Variants in DCPS observed in about 807,000 individuals in gnomAD.
DCPS encodes the protein decapping enzyme, scavenger.
Under a neutral mutation model 34.7 loss-of-function variants are expected in DCPS, and 27 were observed. The ratio of observed to expected loss-of-function variants is 0.78; its 90% CI spans 0.57 to 1.07. The LOEUF is 1.07. DCPS is among the 50% of genes least tolerant of loss of function. DCPS has a pLI of 0.00. For synonymous variants in DCPS, 185 were observed against 185.7 expected, an observed-to-expected ratio of 1.00 and a Z score of 0.03; for missense variants, 464 against 436.9, an observed-to-expected ratio of 1.06 and a Z score of -0.55.
chr11:126,330,647 G>C lies in DCPS; in HGVS notation c.377-758G>C, dbSNP rs1194328809. ...TCTGTGCCTGGAACCACTGCGCTCT[G>C]CTGCACTGCCCATCATTAAGGGGAC... On this transcript the variant is annotated intron_variant, in intron 2 of 5. Transcript: ENST00000263579. Among the ~76,000 whole-genome samples the C allele has an allele frequency of 2.2e-5, 3 of 134,256 alleles. No homozygotes were observed. In the South Asian group the frequency reaches 7.2e-4, roughly 32 times the overall value. 88.1% of individuals were successfully genotyped at this position (134,256 alleles called of 152,430 possible).
rs1447263301 is a variant in DCPS at position 126,336,549 on chromosome 11, T to TA, written c.523-1736dup. On this transcript the variant is annotated intron_variant, in intron 3 of 5. Transcript: ENST00000263579. The surrounding 1 kb of genome is among the most constrained non-coding windows in gnomAD (Gnocchi z 6.3). Reference sequence around the variant, plus strand: ...CTCAGAACCTGTTCACTCTCACTCTTATACTAGTCACAGGCAGATGCCCCT... The same window carrying TA: ...CTCAGAACCTGTTCACTCTCACTCTTAATACTAGTCACAGGCAGATGCCCCT... 6.6e-6 allele frequency: 1 copy of TA among 152,248 alleles called. No homozygotes were observed. The highest frequency in any genetic ancestry group is 1.5e-5 in the Non-Finnish European group (1 of 68,072). 9.4% of individuals were successfully genotyped at this position (152,248 alleles called of 1,614,324 possible). A position where few individuals can be genotyped will look rare whatever the true frequency, so the allele number is the denominator to read the frequency against.
chr11:126,342,816 A>C lies in DCPS; in HGVS notation c.637-491A>C, dbSNP rs1243539827. Among the ~76,000 whole-genome samples the C allele has an allele frequency of 2.0e-5, 3 of 152,194 alleles. No homozygotes were observed. The highest frequency in any genetic ancestry group is 7.2e-5 in the African/African-American group (3 of 41,528). On this transcript the variant is annotated intron_variant, in intron 4 of 5. Coordinates refer to ENST00000263579, the MANE Select transcript of DCPS (RefSeq NM_014026.6). The surrounding 1 kb of genome is among the most constrained non-coding windows in gnomAD (Gnocchi z 4.4). ...AACTCTCTGCTGGGCGCGGTGGCTC[A>C]CGCCTGTAATCCCAGCACTTTGGGA...
rs576080220 is a variant in DCPS, at chr11:126,306,890, G to T, written c.376+146G>T. 6.0e-6 allele frequency: 6 copies of T among 1,007,390 alleles called. No homozygotes were observed. In the African/African-American group the frequency reaches 9.8e-5, roughly 16 times the overall value. 62.4% of individuals were successfully genotyped at this position (1,007,390 alleles called of 1,614,324 possible). On this transcript the variant is annotated intron_variant, in intron 2 of 5. Coordinates refer to ENST00000263579, the MANE Select transcript of DCPS (RefSeq NM_014026.6). ...CTTCCCTAGGGGACATTTGGCCATC[G>T]GTGAAGACATTTTTGATTGTCAGAA...
In DCPS at chr11:126,327,135, C is replaced by T. The variant is rs1299157076; in HGVS notation, c.377-4270C>T. On this transcript the variant is annotated intron_variant, in intron 2 of 5. Transcript: ENST00000263579. This position sits in a 1 kb window ranked among gnomAD's most constrained non-coding sequence, Gnocchi z 4.1. ...TGCCAGTTGCTTCAGTGCAGGGCGC[C>T]CCTCCCCGGATCCCAACCCCGGATC... Among the ~76,000 whole-genome samples the T allele has an allele frequency of 6.6e-6, 1 of 152,116 alleles. No homozygotes were observed. Among genetic ancestry groups the T allele is most frequent in the Non-Finnish European group, 1.5e-5 (1 of 68,016 alleles).
rs1478306427 is a variant in DCPS at position 126,329,091 on chromosome 11, C to G, written c.377-2314C>G. 6.6e-6 allele frequency among the ~76,000 whole-genome samples: 1 copy of G among 152,154 alleles called. No individual in the cohort carries two copies. The highest frequency in any genetic ancestry group is 2.4e-5 in the African/African-American group (1 of 41,428). On this transcript the variant is annotated intron_variant, in intron 2 of 5. Transcript: ENST00000263579. This position sits in a 1 kb window ranked among gnomAD's most constrained non-coding sequence, Gnocchi z 5.0. ...TTTCCCTCAGGTCCACTGCAAGGGC[C>G]AAGGTGGTGCCGTTCAGTCTACTTC...
rs1021357460 is a variant in DCPS, at chr11:126,346,294, C to T, written c.*681C>T. 1.3e-5 allele frequency among the ~76,000 whole-genome samples: 2 copies of T among 152,180 alleles called. No individual in the cohort carries two copies. The highest frequency in any genetic ancestry group is 2.9e-5 in the Non-Finnish European group (2 of 68,032). On this transcript the variant is annotated 3_prime_UTR_variant, in exon 6 of 6. Coordinates refer to ENST00000263579, the MANE Select transcript of DCPS (RefSeq NM_014026.6). This position sits in a 1 kb window ranked among gnomAD's most constrained non-coding sequence, Gnocchi z 4.1. ...CGAGTCCCCAGCCTTGAGTTTTTAT[C>T]TCGGCAGGAAGACAAAACAGACTCA...
rs544752721 is a variant in DCPS at position 126,329,173 on chromosome 11, T to G, written c.377-2232T>G. 6.6e-6 allele frequency among the ~76,000 whole-genome samples: 1 copy of G among 152,178 alleles called. No individual in the cohort carries two copies. Among genetic ancestry groups the G allele is most frequent in the Non-Finnish European group, 1.5e-5 (1 of 68,028 alleles). On this transcript the variant is annotated intron_variant, in intron 2 of 5. Coordinates refer to ENST00000263579, the MANE Select transcript of DCPS (RefSeq NM_014026.6). This position sits in a 1 kb window ranked among gnomAD's most constrained non-coding sequence, Gnocchi z 5.0. ...TGCCTGACCTCTGACCTCTGGCCCATGACCTATGACGCTGAGCTGTTAGAG... is the reference window on the plus strand; with the variant it reads ...TGCCTGACCTCTGACCTCTGGCCCAGGACCTATGACGCTGAGCTGTTAGAG...
intron 2 of DCPS, among the ~76,000 whole-genome samples, chr11:126,321,545 C>T (rs1280817124): frequency 6.6e-6 from 1 of 152,142 alleles, no homozygotes; most frequent in Non-Finnish European, 1.5e-5. Flanking sequence ...TTCCCTAATA[C>T]AAAAGAACAG....
intron 2 of DCPS, 117 bp downstream of exon 2, chr11:126,306,861 A>G (rs899990927): frequency 8.4e-7 from 1 of 1,196,792 alleles, no homozygotes; most frequent in Non-Finnish European, 1.1e-6. Context: ...CAATAGGGAG[A>G]TTACTTCCCT....
chr11:126,341,985 T>C (rs902090628), intron 4 of DCPS: 1 of 152,218 alleles, frequency 6.6e-6, no homozygotes, highest in African/African-American at 2.4e-5. Context: ...GAAAAGCCCA[T>C]CCTGAATTTT....
At position 126,304,128 on chromosome 11, in the gene DCPS, C is replaced by G. The variant is rs141030550; in HGVS notation, c.48C>G (p.Asp16Glu). Residue 16 changes from aspartate to glutamate, a missense_variant, in exon 1 of 6, where the codon GAC becomes GAG. Transcript: ENST00000263579. ...TAGGCAAGAGGAAGCGCGAATTGGA[C>G]GTGGAGGAGGCCCACGCCGCCAGCA... The part of the protein sequence containing the change: ...PQLGKRKREL[D>E]VEEAHAASTE... The G allele has an allele frequency of 1.2e-5, 19 of 1,613,810 alleles. No individual in the cohort carries two copies. Among genetic ancestry groups the G allele is most frequent in the Non-Finnish European group, 1.6e-5 (19 of 1,179,950 alleles).
chr11:126,330,652 A>G (rs1951776133), intron 2 of DCPS, among the ~76,000 whole-genome samples: 1 of 135,890 alleles, frequency 7.4e-6, no homozygotes, highest in Non-Finnish European at 1.5e-5. Context: ...GCTCTGCTGC[A>G]CTGCCCATCA....
rs1394034299 is a variant in DCPS at position 126,348,857 on chromosome 11, C to T, written c.*3244C>T. ...ATAACACTACATTCATATAGCAGATCATTTCATGACCCACATTCTCCTTCC... is the reference window on the plus strand; with the variant it reads ...ATAACACTACATTCATATAGCAGATTATTTCATGACCCACATTCTCCTTCC... On this transcript the variant is annotated 3_prime_UTR_variant, in exon 6 of 6. Coordinates refer to ENST00000263579, the MANE Select transcript of DCPS (RefSeq NM_014026.6). The surrounding 1 kb of genome is among the most constrained non-coding windows in gnomAD (Gnocchi z 5.3). Among the ~76,000 whole-genome samples, 2 of 152,214 alleles carry T rather than the reference C, an allele frequency of 1.3e-5. No individual in the cohort carries two copies. The highest frequency in any genetic ancestry group is 2.4e-5 in the African/African-American group (1 of 41,466).
chr11:126,330,711 ATATATATATTTTTTTTTTTTT>A (rs1219287611), intron 2 of DCPS, among the ~76,000 whole-genome samples: 208 of 25,252 alleles, frequency 8.2e-3, no homozygotes, highest in Non-Finnish European at 1.0e-2. Flanking sequence ...ATATATATAT[ATATATATATTTTTTTTTTTTT>A]TTTTTTTTTT....
chr11:126,338,085 A>T lies in DCPS; in HGVS notation c.523-201A>T, dbSNP rs1040662922. The T allele has an allele frequency of 2.1e-5, 12 of 583,126 alleles. No homozygotes were observed. The African/African-American group carries it at 2.1e-4, about 10-fold the overall frequency. The allele number at this position is 583,126 out of a possible 1,614,324, so 36.1% of individuals were successfully genotyped here. On this transcript the variant is annotated intron_variant, in intron 3 of 5. Coordinates refer to ENST00000263579, the MANE Select transcript of DCPS (RefSeq NM_014026.6). This position sits in a 1 kb window ranked among gnomAD's most constrained non-coding sequence, Gnocchi z 5.4. ...ATGGCTGAGTGCCAGCTGGAGTGGG[A>T]AGGGGGAAGTCCCTTCTGGACCCCT...
Position 126,328,610 on chromosome 11 carries a change from C to T in DCPS, c.377-2795C>T, listed in dbSNP as rs114191675. ...GGCAGACCAGGGCATGCTCACAGGC[C>T]GGGTGGCTTTCTGATCTGGAGCAGC... is the stretch of plus-strand genomic sequence containing the variant. On this transcript the variant is annotated intron_variant, in intron 2 of 5. Coordinates refer to ENST00000263579, the MANE Select transcript of DCPS (RefSeq NM_014026.6). This position sits in a 1 kb window ranked among gnomAD's most constrained non-coding sequence, Gnocchi z 6.6. Among the ~76,000 whole-genome samples the T allele has an allele frequency of 2.4e-3, 369 of 152,250 alleles. 4 individuals carry two copies. Among genetic ancestry groups the T allele is most frequent in the African/African-American group, 8.0e-3 (332 of 41,542 alleles).
rs902847733 is a variant in DCPS at position 126,346,711 on chromosome 11, G to C, written c.*1098G>C. Reference sequence around the variant, plus strand: ...ATGGCAGGCTCCTAAGTGACAGCAGGGGGGAAGCTTGAGGCACAGTGGGTG... The same window carrying C: ...ATGGCAGGCTCCTAAGTGACAGCAGCGGGGAAGCTTGAGGCACAGTGGGTG... On this transcript the variant is annotated 3_prime_UTR_variant, in exon 6 of 6. Coordinates refer to ENST00000263579, the MANE Select transcript of DCPS (RefSeq NM_014026.6). This position sits in a 1 kb window ranked among gnomAD's most constrained non-coding sequence, Gnocchi z 4.1. Among the ~76,000 whole-genome samples the C allele has an allele frequency of 1.3e-5, 2 of 152,134 alleles. No individual in the cohort carries two copies. Among genetic ancestry groups the C allele is most frequent in the African/African-American group, 4.8e-5 (2 of 41,438 alleles).
At position 126,347,588 on chromosome 11, in the gene DCPS, T is replaced by C. The variant is rs553182190; in HGVS notation, c.*1975T>C. ...GAGTTGCAGCCAAGGAACTTTGAGGTAGTGACCAATGCAGGGAGGTCTGAC... is the reference window on the plus strand; with the variant it reads ...GAGTTGCAGCCAAGGAACTTTGAGGCAGTGACCAATGCAGGGAGGTCTGAC... On this transcript the variant is annotated 3_prime_UTR_variant, in exon 6 of 6. Coordinates refer to ENST00000263579, the MANE Select transcript of DCPS (RefSeq NM_014026.6). The surrounding 1 kb of genome is among the most constrained non-coding windows in gnomAD (Gnocchi z 4.2). 6.6e-6 allele frequency among the ~76,000 whole-genome samples: 1 copy of C among 152,264 alleles called. No individual in the cohort carries two copies. The highest frequency in any genetic ancestry group is 6.5e-5 in the Admixed American group (1 of 15,292).
Position 126,312,695 on chromosome 11 carries a change from T to A in DCPS, c.376+5951T>A, listed in dbSNP as rs1951626897. Among the ~76,000 whole-genome samples the A allele has an allele frequency of 6.6e-6, 1 of 152,218 alleles. No homozygotes were observed. The highest frequency in any genetic ancestry group is 1.5e-5 in the Non-Finnish European group (1 of 68,036). ...TCCCCTAAATTGACTTCATGGCCACTGTCCTGGATTAGGACCCATTAAGAG... is the reference window on the plus strand; with the variant it reads ...TCCCCTAAATTGACTTCATGGCCACAGTCCTGGATTAGGACCCATTAAGAG... On this transcript the variant is annotated intron_variant, in intron 2 of 5. Coordinates refer to ENST00000263579, the MANE Select transcript of DCPS (RefSeq NM_014026.6). This position sits in a 1 kb window ranked among gnomAD's most constrained non-coding sequence, Gnocchi z 5.1.
Sources: allele counts gnomAD v4.1 joint callset (sites outside exome capture counted in the v4.1 genomes callset), GRCh38; gene constraint gnomAD v4.1.1; non-coding constraint Gnocchi (gnomAD v3.1); transcripts MANE v1.5; gene names NCBI Gene and HGNC (gene_info 2026-07-23, HGNC 2026-07-21).